The following NUDT10 variants were observed in gnomAD, a reference collection of about 807,000 sequenced individuals.
The protein encoded by NUDT10 is diphosphoinositol polyphosphate phosphohydrolase 3-alpha.
A neutral mutation model predicts 10.5 loss-of-function variants in NUDT10; 2 were observed. The ratio of observed to expected loss-of-function variants is 0.19; its 90% CI spans 0.08 to 0.60. The LOEUF (loss-of-function observed/expected upper bound fraction) is 0.60. Ranked by LOEUF, NUDT10 falls within the 20% of genes least tolerant of loss-of-function variation. NUDT10 has a pLI of 0.89. For synonymous variants in NUDT10, 53 were observed against 71.8 expected, an observed-to-expected ratio of 0.74 and a Z score of 1.32; for missense variants, 75 against 149.5, an observed-to-expected ratio of 0.50 and a Z score of 2.60.
rs1005398968 is a variant in NUDT10, at chrX:51,336,592, G to A, written c.*353G>A. On this transcript the variant is annotated 3_prime_UTR_variant, in exon 2 of 2. Coordinates refer to ENST00000356450, the MANE Select transcript of NUDT10 (RefSeq NM_001304963.2). ...TTAGAATATGGTAGACATCACTGAA[G>A]ATTTGTTTCAGTAGTTCATATTTTG... 4 of 143,691 alleles carry A rather than the reference G, an allele frequency of 2.8e-5. No individual in the cohort carries two copies. Among genetic ancestry groups the A allele is most frequent in the Non-Finnish European group, 5.4e-5 (4 of 74,682 alleles). The allele number at this position is 143,691 out of a possible 1,213,427, so 11.8% of individuals were successfully genotyped here.
chrX:51,333,759 G>GT (rs1922756753), intron 1 of NUDT10, among the ~76,000 whole-genome samples: 1 of 68,204 alleles, frequency 1.5e-5, no homozygotes, highest in Admixed American at 1.6e-4. Context: ...CGGGGGGGGG[G>GT]GGGGTGGGGG....
intron 1 of NUDT10, among the ~76,000 whole-genome samples, chrX:51,335,896 T>C (rs1922825312): frequency 8.9e-6 from 1 of 112,327 alleles, no homozygotes; most frequent in Non-Finnish European, 1.9e-5. Context: ...GTTGGCCTAT[T>C]AGAATATGGA....
chrX:51,333,781 G>GGGGGGGT, intron 1 of NUDT10, among the ~76,000 whole-genome samples: 1 of 55,445 alleles, frequency 1.8e-5, no homozygotes. Context: ...CGAGGGGTGG[G>GGGGGGGT]CGGGGAGTGT....
rs1640080866 is a variant in NUDT10 at position 51,333,167 on chromosome X, G to A, written c.202G>A (p.Glu68Lys). Residue 68 changes from glutamate (E) to lysine (K), a missense_variant, in exon 1 of 2, where the codon GAA becomes AAA. Physicochemically the swap from Glu to Lys is moderately conservative, Grantham distance 56 (BLOSUM62 1). Transcript: ENST00000356450. ...CGGTGCGGCGGTCCGAGAGGTGTACGAAGAGGCGGGAGTCAAGGGGAAGTT... is the reference window on the plus strand; with the variant it reads ...CGGTGCGGCGGTCCGAGAGGTGTACAAAGAGGCGGGAGTCAAGGGGAAGTT... ...PGGAAVREVY[E>K]EAGVKGKLGR... 8.3e-7 allele frequency: 1 copy of A among 1,211,246 alleles called. No homozygotes were observed. Among genetic ancestry groups the A allele is most frequent in the Non-Finnish European group, 1.1e-6 (1 of 895,272 alleles).
intron 1 of NUDT10, among the ~76,000 whole-genome samples, chrX:51,334,065 C>A (rs1557312539): frequency 9.0e-6 from 1 of 111,657 alleles, no homozygotes; most frequent in Non-Finnish European, 1.9e-5. Context: ...ATTAGGAAAT[C>A]CTACATCTTG....
chrX:51,332,840 C>T lies in NUDT10; in HGVS notation c.-126C>T. On this transcript the variant is annotated 5_prime_UTR_variant, in exon 1 of 2. Transcript: ENST00000356450. ...CGGGGGCAGACGGCAGACGGAGGCG[C>T]CTCTCTCTCCCCGCCCCTCTCCTCG... The T allele has an allele frequency of 9.9e-7, 1 of 1,008,566 alleles. No individual in the cohort carries two copies. Among genetic ancestry groups the T allele is most frequent in the Non-Finnish European group, 1.3e-6 (1 of 762,426 alleles). 83.1% of individuals were successfully genotyped at this position (1,008,566 alleles called of 1,213,427 possible).
intron 1 of NUDT10, among the ~76,000 whole-genome samples, chrX:51,335,418 A>G (rs782521010): frequency 9.0e-6 from 1 of 111,508 alleles, no homozygotes; most frequent in Non-Finnish European, 1.9e-5. Context: ...ATGTTGGAGT[A>G]AAGGTAAGTT....
chrX:51,332,785 A>T (rs2146579512), upstream of NUDT10: 2 of 706,087 alleles, frequency 2.8e-6, no homozygotes, highest in African/African-American at 2.2e-5. Flanking sequence ...TGCCCCGCCC[A>T]GCTTCATCTC....
In NUDT10 at chrX:51,332,881, A is replaced by C. The variant is rs1485638693; in HGVS notation, c.-85A>C. The C allele has an allele frequency of 1.8e-6, 2 of 1,138,629 alleles. No homozygotes were observed. The highest frequency in any genetic ancestry group is 2.3e-6 in the Non-Finnish European group (2 of 856,596). 93.8% of individuals were successfully genotyped at this position (1,138,629 alleles called of 1,213,427 possible). On this transcript the variant is annotated 5_prime_UTR_variant, in exon 1 of 2. Transcript: ENST00000356450. ...CCTCTCCTCGGCCCTTTCTCTTCCCAGCACCTCGGCTGCTGCCCGGCAGCG... is the reference window on the plus strand; with the variant it reads ...CCTCTCCTCGGCCCTTTCTCTTCCCCGCACCTCGGCTGCTGCCCGGCAGCG...
chrX:51,334,566 C>T (rs1922785610), intron 1 of NUDT10, among the ~76,000 whole-genome samples: 1 of 111,934 alleles, frequency 8.9e-6, no homozygotes, highest in Non-Finnish European at 1.9e-5. Flanking sequence ...TATTAGGATT[C>T]CTGAACAATC....
rs371777395 is a variant in NUDT10, at chrX:51,333,025, G to A, written c.60G>A (p.Ala20=). 4 of 1,209,517 alleles carry A rather than the reference G, an allele frequency of 3.3e-6. No individual in the cohort carries two copies. In the African/African-American group the frequency reaches 5.3e-5, roughly 16 times the overall value. The change falls in exon 1 of 2, where the codon GCG becomes GCA. Residue 20 remains alanine (A), a synonymous_variant. Transcript: ENST00000356450. ...TYDPEGFKKR[A]ACLCFRSERE... ...ACCCCGAGGGGTTCAAGAAGCGGGC[G>A]GCGTGCCTGTGCTTCCGGAGCGAGC... is the stretch of plus-strand genomic sequence containing the variant.
chrX:51,334,925 T>C (rs1308171128), intron 1 of NUDT10, among the ~76,000 whole-genome samples: 1 of 110,762 alleles, frequency 9.0e-6, no homozygotes, highest in Non-Finnish European at 1.9e-5. Context: ...CACTTTCTAT[T>C]AAGAAATTTT....
In NUDT10 at chrX:51,336,265, T is replaced by C. The variant is rs782715446; in HGVS notation, c.*26T>C. 1 of 562,249 alleles carries C rather than the reference T, an allele frequency of 1.8e-6. No individual in the cohort carries two copies. Among genetic ancestry groups the C allele is most frequent in the Non-Finnish European group, 3.3e-6 (1 of 305,856 alleles). The allele number at this position is 562,249 out of a possible 1,213,427, so 46.3% of individuals were successfully genotyped here. On this transcript the variant is annotated 3_prime_UTR_variant, in exon 2 of 2. Coordinates refer to ENST00000356450, the MANE Select transcript of NUDT10 (RefSeq NM_001304963.2). ...TGAATGGCATAGATGTTGTTCAGAT[T>C]TACTTTGAAAGAATCAAGTATGTGA... is the stretch of plus-strand genomic sequence containing the variant.
Position 51,333,468 on chromosome X carries a change from C to T in NUDT10, c.494+9C>T, listed in dbSNP as rs1284806941. 2.5e-6 allele frequency: 3 copies of T among 1,207,123 alleles called. No homozygotes were observed. The highest frequency in any genetic ancestry group is 3.0e-5 in the East Asian group (1 of 33,679). On this transcript the variant is annotated intron_variant, in intron 1 of 1. Transcript: ENST00000356450. ...CCAGATAGCGATCCCTAGTATGTAC[C>T]GCTTGCGCCCGCACAGACTTCTGTT...
At chrX:51,333,759 G>A (rs1412510771) in intron 1 of NUDT10, among the ~76,000 whole-genome samples, 4 of 68,178 alleles carry the variant, frequency 5.9e-5, no homozygotes, top group African/African-American at 2.1e-4. Context: ...CGGGGGGGGG[G>A]GGGGTGGGGG....
intron 1 of NUDT10, 41 bp downstream of exon 1, chrX:51,333,500 CCTTG>C: frequency 8.4e-7 from 1 of 1,196,673 alleles, no homozygotes. Flanking sequence ...TGTTTGTCTG[CCTTG>C]CTTAAAATGC....
intron 1 of NUDT10, among the ~76,000 whole-genome samples, chrX:51,334,860 G>A (rs782180687): frequency 2.7e-5 from 3 of 111,258 alleles, no homozygotes; most frequent in African/African-American, 9.8e-5. Flanking sequence ...CAGGTATTGG[G>A]GTCCCTTAAC....
At chrX:51,332,659 G>A (rs1428613730), upstream of NUDT10, among the ~76,000 whole-genome samples, 11 of 112,802 alleles carry the variant, frequency 9.8e-5, no homozygotes, top group Non-Finnish European at 1.3e-4. Flanking sequence ...GTGGAGAGTC[G>A]CGGGCTCGCG....
chrX:51,335,007 T>C (rs1032360326), intron 1 of NUDT10, among the ~76,000 whole-genome samples: 1 of 110,602 alleles, frequency 9.0e-6, no homozygotes, highest in Non-Finnish European at 1.9e-5. Flanking sequence ...AAATGTCTAG[T>C]TTTTGAAGAG....
Sources: allele counts gnomAD v4.1 joint callset (sites outside exome capture counted in the v4.1 genomes callset), GRCh38; gene constraint gnomAD v4.1.1; transcripts MANE v1.5; gene names NCBI Gene and HGNC (gene_info 2026-07-23, HGNC 2026-07-21).